JAZF1: variants seen among roughly 807,000 people sequenced by gnomAD.
The protein encoded by JAZF1 is JAZF zinc finger 1.
In JAZF1, 8 loss-of-function variants were observed where a neutral mutation model predicts 26.4. That is an observed-to-expected ratio of 0.30 (90% confidence interval 0.18 to 0.55). JAZF1 has a LOEUF of 0.55. JAZF1 is among the 20% of genes least tolerant of loss of function. The pLI, the probability that JAZF1 is intolerant of heterozygous loss-of-function variation, is 0.94. For missense variants in JAZF1, 199 were observed against 322.0 expected, an observed-to-expected ratio of 0.62 and a Z score of 2.92; for synonymous variants, 126 against 122.3, an observed-to-expected ratio of 1.03 and a Z score of -0.20.
intron 1 of JAZF1, among the ~76,000 whole-genome samples, chr7:28,057,142 T>C (rs1292647261): frequency 6.6e-6 from 1 of 152,188 alleles, no homozygotes; most frequent in Non-Finnish European, 1.5e-5. Context: ...AAAGAGGGTT[T>C]ACCTGATAGG....
intron 1 of JAZF1, among the ~76,000 whole-genome samples, chr7:28,171,739 A>T (rs1455768494): frequency 6.6e-6 from 1 of 152,240 alleles, no homozygotes; most frequent in African/African-American, 2.4e-5. Context: ...ATATGGTAGC[A>T]TATTTAACTC....
intron 1 of JAZF1, among the ~76,000 whole-genome samples, chr7:28,053,574 T>C (rs1783650246): frequency 6.6e-6 from 1 of 152,214 alleles, no homozygotes; most frequent in Non-Finnish European, 1.5e-5. Context: ...AAATTGATTC[T>C]ACTATATAGC....
At chr7:27,885,354 G>A (rs1188214168) in intron 3 of JAZF1, among the ~76,000 whole-genome samples, 1 of 152,104 alleles carries the variant, frequency 6.6e-6, no homozygotes, top group African/African-American at 2.4e-5. Flanking sequence ...CATTTAAAAG[G>A]GTTATTGCTA....
At chr7:28,150,721 G>A (rs993430232) in intron 1 of JAZF1, among the ~76,000 whole-genome samples, 5 of 152,194 alleles carry the variant, frequency 3.3e-5, no homozygotes, top group Admixed American at 2.6e-4. Context: ...GGTGGGGTCT[G>A]AAGGGAAGCC....
intron 2 of JAZF1, among the ~76,000 whole-genome samples, chr7:27,951,367 T>C (rs1785005879): frequency 6.6e-6 from 1 of 152,140 alleles, no homozygotes; most frequent in Admixed American, 6.5e-5. Context: ...CTTAAGAAAT[T>C]GTATAGGTCT....
chr7:27,833,493 G>C (rs915533028), intron 4 of JAZF1, among the ~76,000 whole-genome samples: 1 of 152,142 alleles, frequency 6.6e-6, no homozygotes, highest in Non-Finnish European at 1.5e-5. Context: ...CTTAACCAGA[G>C]TTTTTGTCAG....
In JAZF1 at chr7:27,895,243, G is replaced by A; in HGVS notation, c.362C>T (p.Ser121Leu). Reference protein sequence around the residue: ...PVTPPITPSSSFRSSTPTGSE... With the variant: ...PVTPPITPSSLFRSSTPTGSE... ...ACCTGTCGGAGTGCTGCTGCGGAATGAAGAGGAGGGGGTGATGGGTGGGGT... is the reference window on the plus strand; with the variant it reads ...ACCTGTCGGAGTGCTGCTGCGGAATAAAGAGGAGGGGGTGATGGGTGGGGT... The change falls in exon 3 of 5, where the codon TCA becomes TTA. Residue 121 changes from serine (S) to leucine (L), a missense_variant. Physicochemically the swap from Ser to Leu is moderately radical, Grantham distance 145. Coordinates refer to ENST00000283928, the MANE Select transcript of JAZF1 (RefSeq NM_175061.4). 6.2e-7 allele frequency: 1 copy of A among 1,605,594 alleles called. No individual in the cohort carries two copies. The highest frequency in any genetic ancestry group is 8.5e-7 in the Non-Finnish European group (1 of 1,176,322).
At chr7:27,874,717 A>AAT (rs377060319) in intron 3 of JAZF1, among the ~76,000 whole-genome samples, 149,421 of 152,290 alleles carry the variant, frequency 0.98, 73,470 homozygotes, top group Middle Eastern at 1. Flanking sequence ...CCTTTAATCG[A>AAT]GATCCTTATC....
intron 1 of JAZF1, among the ~76,000 whole-genome samples, chr7:28,040,340 C>T (rs931890421): frequency 1.3e-5 from 2 of 152,112 alleles, no homozygotes; most frequent in Admixed American, 6.6e-5. Context: ...TGTTCTTGTG[C>T]AGTTTACAAT....
intron 3 of JAZF1, among the ~76,000 whole-genome samples, chr7:27,877,901 C>A (rs1349700409): frequency 6.6e-6 from 1 of 152,180 alleles, no homozygotes; most frequent in Non-Finnish European, 1.5e-5. Flanking sequence ...GTCTTGCACA[C>A]TAAGTGCTTC....
At chr7:27,883,689 GA>G (rs1783809133) in intron 3 of JAZF1, among the ~76,000 whole-genome samples, 1 of 152,162 alleles carries the variant, frequency 6.6e-6, no homozygotes, top group African/African-American at 2.4e-5. Context: ...TATCTCATGG[GA>G]AACAAAACAC....
intron 2 of JAZF1, among the ~76,000 whole-genome samples, chr7:27,950,526 C>T (rs950590711): frequency 1.3e-5 from 2 of 152,194 alleles, no homozygotes; most frequent in Admixed American, 6.5e-5. Context: ...TTGAGTAGGT[C>T]TAGGTAGGCG....
rs192487470 is a variant in JAZF1 at position 28,083,461 on chromosome 7, C to T, written c.116-91480G>A. Among the ~76,000 whole-genome samples, 5 of 152,196 alleles carry T rather than the reference C, an allele frequency of 3.3e-5. No homozygotes were observed. The East Asian group carries it at 9.7e-4, about 29-fold the overall frequency. ...AATAACACAGACCTTGTTTCCCATC[C>T]CAGCTCCACAGCTCACATGCTATGT... On this transcript the variant is annotated intron_variant, in intron 1 of 4. Transcript: ENST00000283928.
At chr7:28,068,422 TGTC>T (rs964802614) in intron 1 of JAZF1, among the ~76,000 whole-genome samples, 1 of 152,182 alleles carries the variant, frequency 6.6e-6, no homozygotes, top group African/African-American at 2.4e-5. Flanking sequence ...ACAATCCTCT[TGTC>T]GTATCAATTA....
chr7:27,920,596 C>CTATTTATCCCA (rs941712719), intron 2 of JAZF1, among the ~76,000 whole-genome samples: 6 of 152,144 alleles, frequency 3.9e-5, no homozygotes, highest in Non-Finnish European at 5.9e-5. Flanking sequence ...AAAATAAATT[C>CTATTTATCCCA]TGCTAAGATG....
chr7:27,931,830 T>C (rs976225895), intron 2 of JAZF1, among the ~76,000 whole-genome samples: 5 of 152,116 alleles, frequency 3.3e-5, no homozygotes, highest in Middle Eastern at 6.8e-3. Flanking sequence ...GGAGAACTGC[T>C]TGAACCTGGG....
At chr7:28,024,451 G>A (rs1012814847) in intron 1 of JAZF1, among the ~76,000 whole-genome samples, 1 of 152,198 alleles carries the variant, frequency 6.6e-6, no homozygotes, top group Non-Finnish European at 1.5e-5. Flanking sequence ...TGGTGAGCTA[G>A]AGGTATGCAC....
At chr7:27,996,759 C>A (rs1786026189) in intron 1 of JAZF1, among the ~76,000 whole-genome samples, 1 of 152,220 alleles carries the variant, frequency 6.6e-6, no homozygotes, top group Non-Finnish European at 1.5e-5. Context: ...CAAGGCATAT[C>A]CTCTCTTCTT....
In JAZF1 at chr7:27,832,545, G is replaced by C. The variant is rs1411905004; in HGVS notation, c.*255C>G. On this transcript the variant is annotated 3_prime_UTR_variant, in exon 5 of 5. Coordinates refer to ENST00000283928, the MANE Select transcript of JAZF1 (RefSeq NM_175061.4). ...TATTTTGTTTTGGGGGAAATGTGCT[G>C]AAGAACCTAGAGCTTTTTTTGTTTA... 3.4e-6 allele frequency: 1 copy of C among 292,272 alleles called. No individual in the cohort carries two copies. The highest frequency in any genetic ancestry group is 2.1e-5 in the African/African-American group (1 of 46,882). The allele number at this position is 292,272 out of a possible 1,614,324, so 18.1% of individuals were successfully genotyped here. A position where few individuals can be genotyped will look rare whatever the true frequency, so the allele number is the denominator to read the frequency against.
Sources: gnomAD v4.1 joint callset for allele counts (sites outside exome capture counted in the v4.1 genomes callset) on GRCh38, gnomAD v4.1.1 for gene constraint, MANE v1.5 for transcripts, NCBI Gene and HGNC (gene_info 2026-07-23, HGNC 2026-07-21) for gene names.